PTPRT: variants seen among roughly 807,000 people sequenced by gnomAD.
PTPRT encodes the protein receptor-type tyrosine-protein phosphatase T.
Under a neutral mutation model 176.8 loss-of-function variants are expected in PTPRT, and 56 were observed. The ratio of observed to expected loss-of-function variants is 0.32; its 90% CI spans 0.26 to 0.40. PTPRT has a LOEUF of 0.40. Among genes scored for constraint, PTPRT ranks in the 10% least tolerant of loss-of-function variants. The pLI is 1.00. For synonymous variants in PTPRT, 783 were observed against 739.0 expected (o/e 1.06, Z -0.96); for missense variants, 1,540 against 1,908.2 (o/e 0.81, Z 3.60).
intron 7 of PTPRT, among the ~76,000 whole-genome samples, chr20:42,611,354 C>T (rs1251242601): frequency 6.6e-6 from 1 of 152,166 alleles, no homozygotes; most frequent in Non-Finnish European, 1.5e-5. Context: ...TCATGGTGGC[C>T]ATCCTACTGG....
rs142251901 is a variant in PTPRT, at chr20:42,925,376, T to C, written c.89-39444A>G. ...ACATAAGTAAATGTTGGCTAGATAT[T>C]GTTGCTCCCCTAGGGTTCTGACCCT... On this transcript the variant is annotated intron_variant, in intron 1 of 30. Transcript: ENST00000373187. Among the ~76,000 whole-genome samples, 7 of 152,308 alleles carry C rather than the reference T, an allele frequency of 4.6e-5. No homozygotes were observed. In the East Asian group the frequency reaches 1.4e-3, roughly 29 times the overall value.
intron 1 of PTPRT, among the ~76,000 whole-genome samples, chr20:43,098,096 C>G (rs2012241070): frequency 6.6e-6 from 1 of 152,176 alleles, no homozygotes; most frequent in African/African-American, 2.4e-5. Context: ...AGTAGAGAAA[C>G]AGAGCCAGCC....
rs186463544 is a variant in PTPRT at position 42,760,364 on chromosome 20, T to C, written c.685-3728A>G. 1.6e-3 allele frequency among the ~76,000 whole-genome samples: 236 copies of C among 150,436 alleles called. 1 individual carries two copies. Among genetic ancestry groups the C allele is most frequent in the African/African-American group, 5.6e-3 (227 of 40,764 alleles). ...CTACTGCCTTGAGATTTTCTGGCAG[T>C]CTGTTTCTAAATCTGCTTTTTTTTT... is the stretch of plus-strand genomic sequence containing the variant. On this transcript the variant is annotated intron_variant, in intron 5 of 30. Transcript: ENST00000373187.
chr20:42,789,325 A>C (rs2077339567), intron 3 of PTPRT, among the ~76,000 whole-genome samples: 1 of 152,232 alleles, frequency 6.6e-6, no homozygotes, highest in Non-Finnish European at 1.5e-5. Flanking sequence ...TTACTTTTTA[A>C]TGTGGCTACT....
chr20:42,924,248 A>G (rs555768120), intron 1 of PTPRT, among the ~76,000 whole-genome samples: 23 of 152,334 alleles, frequency 1.5e-4, no homozygotes, highest in African/African-American at 5.5e-4. Context: ...CATTTAAAAA[A>G]AAAATTATAG....
At chr20:42,707,125 C>CT (rs2076072046) in intron 6 of PTPRT, among the ~76,000 whole-genome samples, 3 of 152,196 alleles carry the variant, frequency 2.0e-5, no homozygotes, top group Admixed American at 2.0e-4. Context: ...CTGTCAGACT[C>CT]TTAGCCTCCA....
intron 1 of PTPRT, among the ~76,000 whole-genome samples, chr20:43,050,710 C>A (rs1359737617): frequency 6.6e-6 from 1 of 152,236 alleles, no homozygotes; most frequent in African/African-American, 2.4e-5. Flanking sequence ...ACTATTATAA[C>A]CCAAATGTTG....
At chr20:42,128,640 G>A in intron 19 of PTPRT, 114 bp downstream of exon 19, 1 of 862,948 alleles carries the variant, frequency 1.2e-6, no homozygotes, top group Non-Finnish European at 1.7e-6. Flanking sequence ...CACATATCAA[G>A]GAGGATCCAG....
intron 1 of PTPRT, among the ~76,000 whole-genome samples, chr20:43,182,619 G>C (rs973743064): frequency 2.6e-5 from 4 of 152,050 alleles, no homozygotes; most frequent in African/African-American, 9.7e-5. Flanking sequence ...TTGAACTCCT[G>C]GCCTCAAGTG....
At position 42,095,924 on chromosome 20, in the gene PTPRT, C is replaced by T. The variant is rs575940608; in HGVS notation, c.3846+2497G>A. On this transcript the variant is annotated intron_variant, in intron 27 of 30. Coordinates refer to ENST00000373187, the MANE Select transcript of PTPRT (RefSeq NM_007050.6). Reference sequence around the variant, plus strand: ...GGTGCACTCAATTTCATCCCCTGTTCATCTGCTCTTCTCGCTGCCTTCCCC... The same window carrying T: ...GGTGCACTCAATTTCATCCCCTGTTTATCTGCTCTTCTCGCTGCCTTCCCC... Among the ~76,000 whole-genome samples, 16 of 152,322 alleles carry T rather than the reference C, an allele frequency of 1.1e-4. No individual in the cohort carries two copies. In the South Asian group the frequency reaches 3.3e-3, roughly 32 times the overall value.
At chr20:42,272,942 C>T (rs1029686005) in intron 13 of PTPRT, among the ~76,000 whole-genome samples, 13 of 152,214 alleles carry the variant, frequency 8.5e-5, no homozygotes, top group South Asian at 2.1e-4. Flanking sequence ...CCTTGTTCGA[C>T]ATGATAATTG....
At chr20:42,588,994 C>A (rs1425736186) in intron 7 of PTPRT, among the ~76,000 whole-genome samples, 1 of 152,166 alleles carries the variant, frequency 6.6e-6, no homozygotes, top group African/African-American at 2.4e-5. Context: ...GTCCACAACA[C>A]CTGGATCCAG....
chr20:42,968,026 C>T (rs1982402174), intron 1 of PTPRT, among the ~76,000 whole-genome samples: 1 of 152,106 alleles, frequency 6.6e-6, no homozygotes, highest in Non-Finnish European at 1.5e-5. Context: ...CCCCAAATCC[C>T]CTCTCCCCTG....
intron 7 of PTPRT, among the ~76,000 whole-genome samples, chr20:42,563,428 C>T: frequency 6.6e-6 from 1 of 152,094 alleles, no homozygotes; most frequent in East Asian, 1.9e-4. Flanking sequence ...AAATCAATAC[C>T]TCTTTTCCAA....
At chr20:42,325,902 G>T (rs938092212) in intron 11 of PTPRT, among the ~76,000 whole-genome samples, 1 of 151,996 alleles carries the variant, frequency 6.6e-6, no homozygotes, top group African/African-American at 2.4e-5. Flanking sequence ...CCCCACACAC[G>T]CTCCCATTTC....
intron 4 of PTPRT, among the ~76,000 whole-genome samples, chr20:42,773,705 C>T (rs1257482863): frequency 6.6e-6 from 1 of 152,148 alleles, no homozygotes; most frequent in Admixed American, 6.5e-5. Flanking sequence ...ATTTTTGGAA[C>T]TATCAGTTCA....
At chr20:42,585,436 A>G (rs1194786765) in intron 7 of PTPRT, among the ~76,000 whole-genome samples, 1 of 151,984 alleles carries the variant, frequency 6.6e-6, no homozygotes, top group Non-Finnish European at 1.5e-5. Context: ...TTTGCACTCT[A>G]TTTTGTATAT....
chr20:43,050,679 C>G (rs555339904), intron 1 of PTPRT, among the ~76,000 whole-genome samples: 1 of 152,368 alleles, frequency 6.6e-6, no homozygotes, highest in South Asian at 2.1e-4. Flanking sequence ...TGAGCCTCAT[C>G]TGAAACATGG....
intron 6 of PTPRT, among the ~76,000 whole-genome samples, chr20:42,723,473 A>T (rs1159004762): frequency 1.3e-5 from 2 of 152,094 alleles, no homozygotes; most frequent in African/African-American, 4.8e-5. Context: ...ATATCCCCAG[A>T]AGTGGCTGGT....
Sources: allele counts gnomAD v4.1 joint callset (sites outside exome capture counted in the v4.1 genomes callset), GRCh38; gene constraint gnomAD v4.1.1; transcripts MANE v1.5; gene names NCBI Gene and HGNC (gene_info 2026-07-23, HGNC 2026-07-21).